BLK: variants seen among roughly 807,000 people sequenced by gnomAD.
BLK encodes BLK proto-oncogene, Src family tyrosine kinase.
In BLK, 64 loss-of-function variants were observed where a neutral mutation model predicts 61.8. The observed-to-expected ratio is 1.03, with a 90% CI of 0.85 to 1.27. The LOEUF (loss-of-function observed/expected upper bound fraction) is 1.27, where lower values mean the gene tolerates loss of function less well. BLK is among the 50% of genes most tolerant of loss of function. BLK has a pLI of 0.00. For synonymous variants in BLK, 351 were observed against 272.0 expected (o/e 1.29, Z -2.86); for missense variants, 853 against 660.5 (o/e 1.29, Z -3.19).
At chr8:11,557,909 C>G in intron 9 of BLK, 53 bp from the exon 10 acceptor site, 2 of 1,560,014 alleles carry the variant, frequency 1.3e-6, no homozygotes, top group South Asian at 2.2e-5. Flanking sequence ...AGGCTGGCAC[C>G]ACCAGGGGCG....
chr8:11,522,363 G>A (rs985136004), intron 1 of BLK, among the ~76,000 whole-genome samples: 4 of 152,168 alleles, frequency 2.6e-5, no homozygotes, highest in Non-Finnish European at 4.4e-5. Context: ...GACAATACGA[G>A]TTTTGGTGAG....
intron 1 of BLK, among the ~76,000 whole-genome samples, chr8:11,534,856 A>T (rs543424251): frequency 4.6e-5 from 7 of 152,282 alleles, no homozygotes; most frequent in African/African-American, 1.7e-4. Flanking sequence ...CTGGGAAAAG[A>T]TTCTGCTGGC....
intron 3 of BLK, among the ~76,000 whole-genome samples, chr8:11,547,609 A>G (rs1158927276): frequency 1.3e-5 from 2 of 152,322 alleles, no homozygotes; most frequent in East Asian, 3.9e-4. Context: ...CCTACTGGGG[A>G]TAGAGGCAGG....
rs768647234 is a variant in BLK, at chr8:11,548,134, C to G, written c.269+9C>G. ...CTACAGGTCCTGAAGGGGTGAGGTT[C>G]CAGGACACCATCCCCTGTCCCTGCA... On this transcript the variant is annotated intron_variant, in intron 4 of 12. Coordinates refer to ENST00000259089, the MANE Select transcript of BLK (RefSeq NM_001715.3). 2 of 1,607,348 alleles carry G rather than the reference C, an allele frequency of 1.2e-6. No homozygotes were observed. The highest frequency in any genetic ancestry group is 1.7e-6 in the Non-Finnish European group (2 of 1,175,076).
chr8:11,528,764 T>C (rs1799776139), intron 1 of BLK, among the ~76,000 whole-genome samples: 1 of 152,154 alleles, frequency 6.6e-6, no homozygotes. Context: ...AGAAAAATAA[T>C]GAGCCGTAAA....
At position 11,544,445 on chromosome 8, in the gene BLK, A is replaced by T. The variant is rs529134873; in HGVS notation, c.123+1098A>T. ...TGGGGAGACGGGGATTACTAATCCC[A>T]CTTCCTAGATGAACCCAGGCATCTT... On this transcript the variant is annotated intron_variant, in intron 2 of 12. Coordinates refer to ENST00000259089, the MANE Select transcript of BLK (RefSeq NM_001715.3). Among the ~76,000 whole-genome samples, 5 of 152,288 alleles carry T rather than the reference A, an allele frequency of 3.3e-5. No homozygotes were observed. In the East Asian group the frequency reaches 9.6e-4, roughly 29 times the overall value.
At chr8:11,558,875 C>T (rs1242559422) in intron 10 of BLK, 1 of 456,156 alleles carries the variant, frequency 2.2e-6, no homozygotes, top group Non-Finnish European at 4.4e-6. Context: ...CCACCGCCCA[C>T]ATCAGCCCTC....
At chr8:11,497,130 G>T (rs1299131536) in intron 1 of BLK, among the ~76,000 whole-genome samples, 4 of 152,138 alleles carry the variant, frequency 2.6e-5, no homozygotes, top group East Asian at 1.9e-4. Context: ...TGAGGAGGAA[G>T]AAAAAATGAT....
At chr8:11,520,582 C>A (rs1441782296) in intron 1 of BLK, among the ~76,000 whole-genome samples, 2 of 149,840 alleles carry the variant, frequency 1.3e-5, no homozygotes, top group South Asian at 4.3e-4. Context: ...CCTGTAAAAG[C>A]TTGTTGTAAC....
chr8:11,510,398 A>G (rs1798950508), intron 1 of BLK, among the ~76,000 whole-genome samples: 1 of 152,290 alleles, frequency 6.6e-6, no homozygotes, highest in East Asian at 1.9e-4. Context: ...AACAAACCCC[A>G]AGGCTTTGGG....
At chr8:11,553,627 C>G (rs1258685816) in intron 6 of BLK, 1 of 189,240 alleles carries the variant, frequency 5.3e-6, no homozygotes, top group Admixed American at 5.7e-5. Flanking sequence ...TCCCTAAGGC[C>G]AGGCTCGGGT....
At position 11,510,230 on chromosome 8, in the gene BLK, G is replaced by A. The variant is rs116187188; in HGVS notation, c.-2+15639G>A. On this transcript the variant is annotated intron_variant, in intron 1 of 12. Coordinates refer to ENST00000259089, the MANE Select transcript of BLK (RefSeq NM_001715.3). ...TCATTTGGGGGCTGGCGTGGGGTAA[G>A]CTTTAAATTGCGTTTAAAGTCAGTG... Among the ~76,000 whole-genome samples, 616 of 152,300 alleles carry A rather than the reference G, an allele frequency of 4.0e-3. 4 individuals are homozygous for A. Among genetic ancestry groups the A allele is most frequent in the African/African-American group, 0.014 (566 of 41,552 alleles).
At chr8:11,557,747 T>C (rs899116437) in intron 9 of BLK, 3 of 538,358 alleles carry the variant, frequency 5.6e-6, no homozygotes, top group Non-Finnish European at 1.0e-5. Context: ...CAACTGCTGG[T>C]ATATTGGCTG....
chr8:11,556,607 C>T (rs754699525), intron 8 of BLK, 51 bp from the exon 9 acceptor site: 14 of 1,612,792 alleles, frequency 8.7e-6, no homozygotes, highest in East Asian at 2.2e-5. Flanking sequence ...GGGATCACCT[C>T]CGAGCAAGCT....
chr8:11,500,530 G>GT (rs1798517053), intron 1 of BLK, among the ~76,000 whole-genome samples: 1 of 151,274 alleles, frequency 6.6e-6, no homozygotes, highest in African/African-American at 2.4e-5. Context: ...GTTTTTGTTT[G>GT]TTTGAGATAG....
intron 1 of BLK, among the ~76,000 whole-genome samples, chr8:11,541,298 T>A (rs1800367931): frequency 6.6e-6 from 1 of 152,044 alleles, no homozygotes. Flanking sequence ...TAAGAATCCA[T>A]CCATGTGCCA....
intron 1 of BLK, among the ~76,000 whole-genome samples, chr8:11,496,297 G>A (rs573231153): frequency 2.0e-5 from 3 of 152,218 alleles, no homozygotes; most frequent in South Asian, 4.2e-4. Flanking sequence ...GAGTGCAGTG[G>A]CAAGAGATCA....
rs376429865 is a variant in BLK at position 11,555,493 on chromosome 8, G to A, written c.772+9G>A. On this transcript the variant is annotated intron_variant, in intron 8 of 12. Coordinates refer to ENST00000259089, the MANE Select transcript of BLK (RefSeq NM_001715.3). ...CGGCGAAGTCTGGATGGGTGAGTGT[G>A]TGCACACGTGGGAGCATTTCTCCCC... is the stretch of plus-strand genomic sequence containing the variant. 6.2e-7 allele frequency: 1 copy of A among 1,613,982 alleles called. No homozygotes were observed. The highest frequency in any genetic ancestry group is 1.3e-5 in the African/African-American group (1 of 74,914).
At chr8:11,546,627 G>C (rs1271966564) in intron 3 of BLK, among the ~76,000 whole-genome samples, 2 of 152,146 alleles carry the variant, frequency 1.3e-5, no homozygotes, top group Non-Finnish European at 2.9e-5. Flanking sequence ...CCAGGCTGCA[G>C]TGCAGTGACC....
Sources: gnomAD v4.1 joint callset for allele counts (sites outside exome capture counted in the v4.1 genomes callset) on GRCh38, gnomAD v4.1.1 for gene constraint, MANE v1.5 for transcripts, NCBI Gene and HGNC (gene_info 2026-07-23, HGNC 2026-07-21) for gene names.